The following REP15 variants were observed in gnomAD, a reference collection of about 807,000 sequenced individuals.
The protein encoded by REP15 is RAB15 effector protein.
Under a neutral mutation model 1.1 loss-of-function variants are expected in REP15, and 1 was observed. That is an observed-to-expected ratio of 0.89 (90% CI 0.32 to 4.24). The LOEUF is 4.24. Ranked by LOEUF, REP15 falls within the 30% of genes most tolerant of loss-of-function variation. REP15 has a pLI of 0.17. For missense variants in REP15, 246 were observed against 271.9 expected (o/e 0.90, Z 0.67); for synonymous variants, 100 against 99.7 (o/e 1.00, Z -0.02).
rs749661229 is a variant in REP15, at chr12:27,697,313, GA to G, written c.*47del. ...ATGTGAGTGGCCTGTAAGAGGAAAA[GA>G]AAAAAAGATTCTAATAAGCAAGCTC... On this transcript the variant is annotated 3_prime_UTR_variant, in exon 1 of 1. Coordinates refer to ENST00000310791, the MANE Select transcript of REP15 (RefSeq NM_001029874.3). The G allele has an allele frequency of 4.8e-6, 6 of 1,241,488 alleles. No homozygotes were observed. Among genetic ancestry groups the G allele is most frequent in the African/African-American group, 1.5e-5 (1 of 66,120 alleles). The allele number at this position is 1,241,488 out of a possible 1,614,324, so 76.9% of individuals were successfully genotyped here.
Position 27,696,896 on chromosome 12 carries a change from A to T in REP15, c.334A>T (p.Thr112Ser), listed in dbSNP as rs373726158. Residue 112 changes from threonine (T) to serine (S), a missense_variant, in exon 1 of 1, where the codon ACT (threonine) becomes TCT (serine). Thr to Ser is a moderately conservative substitution (Grantham distance 58). Transcript: ENST00000310791. ...KQIKLQLAVQ[T>S]LQMSSPPPVE... is the part of the protein sequence containing the mutation. ...AATAAAGCTTCAGCTCGCAGTACAG[A>T]CTCTGCAGATGTCTTCACCTCCTCC... is the stretch of plus-strand genomic sequence containing the variant. 30 of 1,613,856 alleles carry T rather than the reference A, an allele frequency of 1.9e-5. No homozygotes were observed. In the East Asian group the frequency reaches 5.6e-4, roughly 30 times the overall value.
At position 27,697,270 on chromosome 12, in the gene REP15, C is replaced by G. The variant is rs1383977440; in HGVS notation, c.708C>G (p.Leu236=). ...TGGGCAAGGTTTATATCAGCATTCT[C>G]TGACTTGGATATGTATTATGTGAGT... ...REVGKVYISI[L] is the part of the protein sequence containing the mutation. Residue 236 remains leucine (L), a synonymous_variant, in exon 1 of 1, where the codon CTC becomes CTG. Transcript: ENST00000310791. The G allele has an allele frequency of 3.8e-6, 6 of 1,597,482 alleles. No individual in the cohort carries two copies. The highest frequency in any genetic ancestry group is 3.3e-5 in the Admixed American group (2 of 59,816).
chr12:27,697,494 A>T lies in REP15; in HGVS notation c.*221A>T. On this transcript the variant is annotated 3_prime_UTR_variant, in exon 1 of 1. Transcript: ENST00000310791. Reference sequence around the variant, plus strand: ...TCTGCCTATGATTTAAAAACAGTTCAGGAAAAGTTATAATTTAGTTTAATA... The same window carrying T: ...TCTGCCTATGATTTAAAAACAGTTCTGGAAAAGTTATAATTTAGTTTAATA... 1 of 396,718 alleles carries T rather than the reference A, an allele frequency of 2.5e-6. No individual in the cohort carries two copies. The highest frequency in any genetic ancestry group is 9.9e-5 in the South Asian group (1 of 10,122). 24.6% of individuals were successfully genotyped at this position (396,718 alleles called of 1,614,324 possible). A position where few individuals can be genotyped will look rare whatever the true frequency, so the allele number is the denominator to read the frequency against.
In REP15 at chr12:27,697,336, G is replaced by C. The variant is rs1021864968; in HGVS notation, c.*63G>C. 3 of 987,184 alleles carry C rather than the reference G, an allele frequency of 3.0e-6. No homozygotes were observed. Among genetic ancestry groups the C allele is most frequent in the Non-Finnish European group, 4.6e-6 (3 of 652,212 alleles). 61.2% of individuals were successfully genotyped at this position (987,184 alleles called of 1,614,324 possible). The stretch of plus-strand genomic sequence containing the variant: ...AAGAAAAAAAGATTCTAATAAGCAA[G>C]CTCACCTATTTGCATCATTCCAGCA... On this transcript the variant is annotated 3_prime_UTR_variant, in exon 1 of 1. Coordinates refer to ENST00000310791, the MANE Select transcript of REP15 (RefSeq NM_001029874.3).
In REP15 at chr12:27,696,940, T is replaced by A. The variant is rs775509878; in HGVS notation, c.378T>A (p.Cys126Ter). 1 of 1,614,214 alleles carries A rather than the reference T, an allele frequency of 6.2e-7. No homozygotes were observed. The highest frequency in any genetic ancestry group is 1.1e-5 in the South Asian group (1 of 91,084). ...CTCCTCCTGTGGAATCTAAGCCTTG[T>A]GACCTTTCCAATCCAGAATCAAGGG... is the stretch of plus-strand genomic sequence containing the variant. ...SSPPPVESKPCDLSNPESRVE... is the reference protein window; with the variant it reads ...SSPPPVESKP The change falls in exon 1 of 1, where the codon TGT becomes TGA. Residue 126 changes from cysteine (C) to a stop codon, truncating the protein, a stop_gained. Transcript: ENST00000310791. LOFTEE classifies it low-confidence loss of function (END_TRUNC).
Position 27,696,801 on chromosome 12 carries a change from A to G in REP15, c.239A>G (p.Lys80Arg), listed in dbSNP as rs140296868. The change falls in exon 1 of 1, where the codon AAG becomes AGG. Residue 80 changes from lysine (K) to arginine (R), a missense_variant. Coordinates refer to ENST00000310791, the MANE Select transcript of REP15 (RefSeq NM_001029874.3). ...KGVDEWLTTT[K>R]MTKHQAFLFG... ...GTTGATGAGTGGCTGACCACCACCA[A>G]GATGACCAAGCACCAAGCCTTCCTG... 170 of 1,614,044 alleles carry G rather than the reference A, an allele frequency of 1.1e-4. No individual in the cohort carries two copies. Among genetic ancestry groups the G allele is most frequent in the Non-Finnish European group, 1.3e-4 (158 of 1,179,998 alleles).
In REP15 at chr12:27,696,887, G is replaced by T; in HGVS notation, c.325G>T (p.Ala109Ser). The change falls in exon 1 of 1, where the codon GCA becomes TCA. Residue 109 changes from alanine (A) to serine (S), a missense_variant. Ala to Ser is a moderately conservative substitution (Grantham distance 99, BLOSUM62 1). Transcript: ENST00000310791. Reference protein sequence around the residue: ...GSNKQIKLQLAVQTLQMSSPP... With the variant: ...GSNKQIKLQLSVQTLQMSSPP... ...CAACAAGCAAATAAAGCTTCAGCTC[G>T]CAGTACAGACTCTGCAGATGTCTTC... 1 of 1,614,054 alleles carries T rather than the reference G, an allele frequency of 6.2e-7. No individual in the cohort carries two copies.
In REP15 at chr12:27,696,848, A is replaced by G. The variant is rs1394009415; in HGVS notation, c.286A>G (p.Thr96Ala). Reference protein sequence around the residue: ...AFLFGADWIWTFWGSNKQIKL... With the variant: ...AFLFGADWIWAFWGSNKQIKL... ...CCTGTTTGGTGCAGACTGGATTTGG[A>G]CCTTTTGGGGATCCAACAAGCAAAT... The change falls in exon 1 of 1, where the codon ACC becomes GCC. Residue 96 changes from threonine (T) to alanine (A), a missense_variant. Thr to Ala is a moderately conservative substitution (Grantham distance 58). Coordinates refer to ENST00000310791, the MANE Select transcript of REP15 (RefSeq NM_001029874.3). 11 of 1,613,968 alleles carry G rather than the reference A, an allele frequency of 6.8e-6. No homozygotes were observed. The South Asian group carries it at 1.1e-4, about 16-fold the overall frequency.
At position 27,697,325 on chromosome 12, in the gene REP15, C is replaced by A; in HGVS notation, c.*52C>A. 1.8e-6 allele frequency: 2 copies of A among 1,110,290 alleles called. No individual in the cohort carries two copies. Among genetic ancestry groups the A allele is most frequent in the South Asian group, 1.5e-5 (1 of 66,546 alleles). The allele number at this position is 1,110,290 out of a possible 1,614,324, so 68.8% of individuals were successfully genotyped here. On this transcript the variant is annotated 3_prime_UTR_variant, in exon 1 of 1. Transcript: ENST00000310791. Reference sequence around the variant, plus strand: ...TGTAAGAGGAAAAGAAAAAAAGATTCTAATAAGCAAGCTCACCTATTTGCA... The same window carrying A: ...TGTAAGAGGAAAAGAAAAAAAGATTATAATAAGCAAGCTCACCTATTTGCA...
Position 27,697,438 on chromosome 12 carries a change from A to G in REP15, c.*165A>G, listed in dbSNP as rs2061741087. 1 of 428,258 alleles carries G rather than the reference A, an allele frequency of 2.3e-6. No homozygotes were observed. Among genetic ancestry groups the G allele is most frequent in the African/African-American group, 2.0e-5 (1 of 49,744 alleles). 26.5% of individuals were successfully genotyped at this position (428,258 alleles called of 1,614,324 possible). ...CAAAGTACATTCATGTCGCAATTAC[A>G]GAGAGAGAGAGAAAAAAAGAAAACC... On this transcript the variant is annotated 3_prime_UTR_variant, in exon 1 of 1. Coordinates refer to ENST00000310791, the MANE Select transcript of REP15 (RefSeq NM_001029874.3).
At position 27,697,261 on chromosome 12, in the gene REP15, C is replaced by G. The variant is rs763437451; in HGVS notation, c.699C>G (p.Ile233Met). 1.9e-6 allele frequency: 3 copies of G among 1,606,180 alleles called. No homozygotes were observed. The South Asian group carries it at 3.3e-5, about 18-fold the overall frequency. ...TGAGAGAGGTGGGCAAGGTTTATAT[C>G]AGCATTCTCTGACTTGGATATGTAT... ...DGLREVGKVY[I>M]SIL The change falls in exon 1 of 1, where the codon ATC (isoleucine) becomes ATG (methionine). Residue 233 changes from isoleucine (I) to methionine (M), a missense_variant. By Grantham distance (10) the Ile-to-Met change is conservative. Coordinates refer to ENST00000310791, the MANE Select transcript of REP15 (RefSeq NM_001029874.3).
At position 27,696,782 on chromosome 12, in the gene REP15, G is replaced by A; in HGVS notation, c.220G>A (p.Glu74Lys). ...ITFCQEKGVD[E>K]WLTTTKMTKH... ...TTTCTGCCAAGAAAAGGGAGTTGAT[G>A]AGTGGCTGACCACCACCAAGATGAC... Residue 74 changes from glutamate (E) to lysine (K), a missense_variant, in exon 1 of 1, where the codon GAG becomes AAG. Transcript: ENST00000310791. 1 of 1,614,086 alleles carries A rather than the reference G, an allele frequency of 6.2e-7. No individual in the cohort carries two copies. Among genetic ancestry groups the A allele is most frequent in the African/African-American group, 1.3e-5 (1 of 75,040 alleles).
rs768369452 is a variant in REP15, at chr12:27,697,213, T to C, written c.651T>C (p.Asn217=). The part of the protein sequence containing the change: ...DCVFIKELLR[N]CLSKKDGLRE... ...TGTTCATCAAAGAGCTGCTCAGAAATTGTCTGAGTAAGAAAGACGGGCTGA... is the reference window on the plus strand; with the variant it reads ...TGTTCATCAAAGAGCTGCTCAGAAACTGTCTGAGTAAGAAAGACGGGCTGA... The change falls in exon 1 of 1, where the codon AAT becomes AAC. Residue 217 remains asparagine, a synonymous_variant. Transcript: ENST00000310791. 1.9e-6 allele frequency: 3 copies of C among 1,614,092 alleles called. No homozygotes were observed. The highest frequency in any genetic ancestry group is 2.5e-6 in the Non-Finnish European group (3 of 1,179,974).
At position 27,696,558 on chromosome 12, in the gene REP15, A is replaced by G; in HGVS notation, c.-5A>G. On this transcript the variant is annotated 5_prime_UTR_variant, in exon 1 of 1. Transcript: ENST00000310791. ...TCACATGTTTGATATTTGGATGCAG[A>G]GAAAATGGGGCAGAAAGCATCGCAA... 6.3e-7 allele frequency: 1 copy of G among 1,587,240 alleles called. No homozygotes were observed. The highest frequency in any genetic ancestry group is 8.6e-7 in the Non-Finnish European group (1 of 1,160,486).
At position 27,696,523 on chromosome 12, in the gene REP15, T is replaced by C; in HGVS notation, c.-40T>C. 2.7e-6 allele frequency: 4 copies of C among 1,504,102 alleles called. No homozygotes were observed. Among genetic ancestry groups the C allele is most frequent in the Non-Finnish European group, 3.6e-6 (4 of 1,101,658 alleles). 93.2% of individuals were successfully genotyped at this position (1,504,102 alleles called of 1,614,324 possible). A position where few individuals can be genotyped will look rare whatever the true frequency, so the allele number is the denominator to read the frequency against. ...TTTTACTTTGAAAAAGAAGTACGTC[T>C]GAACCAGATTCACATGTTTGATATT... On this transcript the variant is annotated 5_prime_UTR_variant, in exon 1 of 1. It removes the in-frame stop codon of an upstream open reading frame in the 5' UTR. Transcript: ENST00000310791.
At position 27,696,468 on chromosome 12, in the gene REP15, C is replaced by A; in HGVS notation, c.-95C>A. ...AGCTGTAGAGTTAGAAAAACATGAA[C>A]CATTAACAGATGTGGCCTCCCTGCA... On this transcript the variant is annotated 5_prime_UTR_variant, in exon 1 of 1. Coordinates refer to ENST00000310791, the MANE Select transcript of REP15 (RefSeq NM_001029874.3). The A allele has an allele frequency of 1.1e-6, 1 of 882,112 alleles. No homozygotes were observed. The highest frequency in any genetic ancestry group is 1.7e-5 in the African/African-American group (1 of 59,056). The allele number at this position is 882,112 out of a possible 1,614,324, so 54.6% of individuals were successfully genotyped here.
Position 27,697,339 on chromosome 12 carries a change from C to T in REP15, c.*66C>T, listed in dbSNP as rs2061740205. On this transcript the variant is annotated 3_prime_UTR_variant, in exon 1 of 1. Transcript: ENST00000310791. ...AAAAAAAGATTCTAATAAGCAAGCT[C>T]ACCTATTTGCATCATTCCAGCATGG... 1 of 925,618 alleles carries T rather than the reference C, an allele frequency of 1.1e-6. No individual in the cohort carries two copies. The highest frequency in any genetic ancestry group is 1.6e-5 in the African/African-American group (1 of 60,608). The allele number at this position is 925,618 out of a possible 1,614,324, so 57.3% of individuals were successfully genotyped here.
rs1370390616 is a variant in REP15, at chr12:27,697,042, G to A, written c.480G>A (p.Leu160=). Reference sequence around the variant, plus strand: ...GTAACTTAATAGGAGAGGATTGCCTGGGTCTGTTTATCATCTTTGGTATGC... The same window carrying A: ...GTAACTTAATAGGAGAGGATTGCCTAGGTCTGTTTATCATCTTTGGTATGC... ...EFCNLIGEDC[L]GLFIIFGMPG... The change falls in exon 1 of 1, where the codon CTG becomes CTA. Residue 160 remains leucine, a synonymous_variant. Transcript: ENST00000310791. The A allele has an allele frequency of 2.5e-6, 4 of 1,613,814 alleles. No individual in the cohort carries two copies. Among genetic ancestry groups the A allele is most frequent in the Non-Finnish European group, 3.4e-6 (4 of 1,179,836 alleles).
In REP15 at chr12:27,697,286, T is replaced by C. The variant is rs767805588; in HGVS notation, c.*13T>C. The C allele has an allele frequency of 3.4e-6, 5 of 1,490,988 alleles. No homozygotes were observed. The highest frequency in any genetic ancestry group is 4.7e-6 in the Non-Finnish European group (5 of 1,075,034). 92.4% of individuals were successfully genotyped at this position (1,490,988 alleles called of 1,614,324 possible). On this transcript the variant is annotated 3_prime_UTR_variant, in exon 1 of 1. Transcript: ENST00000310791. ...CAGCATTCTCTGACTTGGATATGTA[T>C]TATGTGAGTGGCCTGTAAGAGGAAA...
Sources: gnomAD v4.1 joint callset for allele counts on GRCh38, gnomAD v4.1.1 for gene constraint, MANE v1.5 for transcripts, NCBI Gene and HGNC (gene_info 2026-07-23, HGNC 2026-07-21) for gene names.